The following ERBB2 variants were observed in gnomAD, a reference collection of about 807,000 sequenced individuals.
The protein encoded by ERBB2 is erb-b2 receptor tyrosine kinase 2.
A neutral mutation model predicts 149.0 loss-of-function variants in ERBB2; 61 were observed. The ratio of observed to expected loss-of-function variants is 0.41; its 90% confidence interval spans 0.33 to 0.51. ERBB2 has a LOEUF of 0.51. ERBB2 is among the 20% of genes least tolerant of loss of function. The probability of loss-of-function intolerance (pLI) is 0.25; values close to 1 mark genes in which losing one functional copy is unlikely to be tolerated. For synonymous variants in ERBB2, 633 were observed against 678.8 expected, an observed-to-expected ratio of 0.93 and a Z score of 1.05; for missense variants, 1,205 against 1,655.1, an observed-to-expected ratio of 0.73 and a Z score of 4.72.
At chr17:39,706,861 C>T (rs1335646410) in intron 1 of ERBB2, 129 bp from the exon 2 acceptor site, 9 of 864,674 alleles carry the variant, frequency 1.0e-5, no homozygotes, top group South Asian at 9.2e-5. Context: ...GGGACATGGG[C>T]GGAGGGGTCC....
upstream of ERBB2, among the ~76,000 whole-genome samples, chr17:39,698,549 G>A (rs1035671390): frequency 6.6e-6 from 1 of 152,150 alleles, no homozygotes; most frequent in East Asian, 1.9e-4. Context: ...GTGAGCCACC[G>A]CGACTGGCCA....
chr17:39,711,838 T>C (rs200914443), intron 7 of ERBB2, 90 bp from the exon 8 acceptor site: 2 of 1,503,824 alleles, frequency 1.3e-6, no homozygotes, highest in Non-Finnish European at 1.8e-6. Context: ...TTGGTTGATA[T>C]TATTCTTCTT....
At chr17:39,712,252 A>G (rs764356851) in intron 8 of ERBB2, 70 bp from the exon 9 acceptor site, 4 of 1,601,948 alleles carry the variant, frequency 2.5e-6, no homozygotes, top group Non-Finnish European at 3.4e-6. Context: ...CCTGATGCTC[A>G]TGTGGCTGTT....
chr17:39,720,021 G>A, intron 16 of ERBB2, 187 bp downstream of exon 16: 1 of 605,740 alleles, frequency 1.7e-6, no homozygotes, highest in South Asian at 1.9e-5. Context: ...CTGAGGGGAG[G>A]GGACTGCAAG....
Position 39,727,434 on chromosome 17 carries a change from G to C in ERBB2, c.3299G>C (p.Ser1100Thr). 1 of 1,611,632 alleles carries C rather than the reference G, an allele frequency of 6.2e-7. No homozygotes were observed. Among genetic ancestry groups the C allele is most frequent in the South Asian group, 1.1e-5 (1 of 90,810 alleles). ...LGMGAAKGLQSLPTHDPSPLQ... is the reference protein window; with the variant it reads ...LGMGAAKGLQTLPTHDPSPLQ... ...ATGGGGGCAGCCAAGGGGCTGCAAA[G>C]CCTCCCCACACATGACCCCAGCCCT... Residue 1100 changes from serine (S) to threonine (T), a missense_variant, in exon 26 of 27, where the codon AGC (serine) becomes ACC (threonine). Around this residue, in one of 6 missense-constraint regions of ERBB2, gnomAD observed 312 missense variants for 343.8 expected, o/e 0.91. Transcript: ENST00000269571. The surrounding 1 kb of genome is among the most constrained non-coding windows in gnomAD (Gnocchi z 4.3).
At chr17:39,691,339 C>T (rs906661797), upstream of ERBB2, among the ~76,000 whole-genome samples, 22 of 151,716 alleles carry the variant, frequency 1.5e-4, no homozygotes, top group Non-Finnish European at 2.2e-4. Flanking sequence ...ATCAGGAGAT[C>T]GAGACCATCC....
At chr17:39,704,112 C>T (rs958422852) in intron 1 of ERBB2, among the ~76,000 whole-genome samples, 4 of 152,306 alleles carry the variant, frequency 2.6e-5, no homozygotes, top group Admixed American at 2.0e-4. Flanking sequence ...GACTGGACTT[C>T]ATTCATCCAC....
At chr17:39,712,260 G>T (rs1423458982) in intron 8 of ERBB2, 62 bp from the exon 9 acceptor site, 1 of 1,607,432 alleles carries the variant, frequency 6.2e-7, no homozygotes, top group East Asian at 2.2e-5. Flanking sequence ...TCATGTGGCT[G>T]TTGACCTGTC....
rs1238419874 is a variant in ERBB2 at position 39,723,709 on chromosome 17, C to T, written c.2208+49C>T. 1 of 1,573,856 alleles carries T rather than the reference C, an allele frequency of 6.4e-7. No individual in the cohort carries two copies. On this transcript the variant is annotated intron_variant, in intron 18 of 26. Coordinates refer to ENST00000269571, the MANE Select transcript of ERBB2 (RefSeq NM_004448.4). This position sits in a 1 kb window ranked among gnomAD's most constrained non-coding sequence, Gnocchi z 6.2. ...GCGGCCCCAGAGGATGGGGGCGGTG[C>T]CTGGAGGGGTGTGGTCGGCAGTTCT...
In ERBB2 at chr17:39,717,359, C is replaced by T. The variant is rs2059194177; in HGVS notation, c.1777C>T (p.Pro593Ser). ...TGTGGCCTGTGCCCACTATAAGGAC[C>T]CTCCCTTCTGCGTGGCCCGCTGCCC... Reference protein sequence around the residue: ...QCVACAHYKDPPFCVARCPSG... With the variant: ...QCVACAHYKDSPFCVARCPSG... Residue 593 changes from proline (P) to serine (S), a missense_variant, in exon 15 of 27, where the codon CCT becomes TCT. This residue lies in a region of ERBB2 where 569 missense variants were observed against 803.5 expected (regional missense o/e 0.71). Transcript: ENST00000269571. The T allele has an allele frequency of 6.2e-7, 1 of 1,612,646 alleles. No homozygotes were observed. Among genetic ancestry groups the T allele is most frequent in the Non-Finnish European group, 8.5e-7 (1 of 1,179,986 alleles).
At chr17:39,709,200 TG>T in intron 3 of ERBB2, 117 bp from the exon 4 acceptor site, 1 of 1,185,856 alleles carries the variant, frequency 8.4e-7, no homozygotes, top group Non-Finnish European at 1.2e-6. Flanking sequence ...CTCTCCTCCC[TG>T]GGGAATCTGG....
chr17:39,700,130 C>T lies in ERBB2; in HGVS notation c.-109C>T. On this transcript the variant is annotated 5_prime_UTR_variant, in exon 1 of 27. Transcript: ENST00000269571. ...CAGCCGCGCGCCCCTTCCCACGGGG[C>T]CCTTTACTGCGCCGCGCGCCCGGCC... The T allele has an allele frequency of 7.6e-7, 1 of 1,307,554 alleles. No homozygotes were observed. The highest frequency in any genetic ancestry group is 9.7e-7 in the Non-Finnish European group (1 of 1,034,150). 81.0% of individuals were successfully genotyped at this position (1,307,554 alleles called of 1,614,324 possible).
rs2143293029 is a variant in ERBB2 at position 39,727,754 on chromosome 17, G to A, written c.3478G>A (p.Ala1160Thr). The A allele has an allele frequency of 6.2e-7, 1 of 1,601,180 alleles. No individual in the cohort carries two copies. Among genetic ancestry groups the A allele is most frequent in the Non-Finnish European group, 8.5e-7 (1 of 1,171,622 alleles). Residue 1160 changes from alanine to threonine, a missense_variant, in exon 27 of 27, where the codon GCC becomes ACC. By Grantham distance (58) the Ala-to-Thr change is moderately conservative (BLOSUM62 0). Coordinates refer to ENST00000269571, the MANE Select transcript of ERBB2 (RefSeq NM_004448.4). This position sits in a 1 kb window ranked among gnomAD's most constrained non-coding sequence, Gnocchi z 4.3. The stretch of plus-strand genomic sequence containing the variant: ...GCCCCGAGAGGGCCCTCTGCCTGCT[G>A]CCCGACCTGCTGGTGCCACTCTGGA... ...PSPREGPLPA[A>T]RPAGATLERP...
At chr17:39,713,439 TAAGTTATACTTCAATAAGAAATGA>T (rs2058931051) in intron 9 of ERBB2, among the ~76,000 whole-genome samples, 1 of 151,670 alleles carries the variant, frequency 6.6e-6, no homozygotes, top group Admixed American at 6.6e-5. Context: ...TTATTGTATA[TAAGTTATACTTCAATAAGAAATGA>T]ATTGGGGCCA....
intron 3 of ERBB2, among the ~76,000 whole-genome samples, chr17:39,709,077 G>A (rs4252616): frequency 0.016 from 2,451 of 152,120 alleles, 71 homozygotes; most frequent in African/African-American, 0.056. Flanking sequence ...AGAGAGCTGC[G>A]GTCCACATGA....
chr17:39,721,182 T>C (rs1313040660), intron 16 of ERBB2, among the ~76,000 whole-genome samples: 1 of 151,662 alleles, frequency 6.6e-6, no homozygotes, highest in African/African-American at 2.4e-5. Flanking sequence ...ACTCGTGGGC[T>C]CAAGTGATCC....
At chr17:39,688,175 C>T (rs2057603677) in exon 1 of ERBB2, 1 of 585,294 alleles carries the variant, frequency 1.7e-6, no homozygotes, top group Admixed American at 4.3e-5. Flanking sequence ...CCCCGCCCCT[C>T]GTCCCCCTGC....
At position 39,700,159 on chromosome 17, in the gene ERBB2, AC is replaced by A; in HGVS notation, c.-76del. 1.5e-6 allele frequency: 2 copies of A among 1,326,036 alleles called. No individual in the cohort carries two copies. Among genetic ancestry groups the A allele is most frequent in the South Asian group, 2.1e-5 (1 of 47,102 alleles). The allele number at this position is 1,326,036 out of a possible 1,614,324, so 82.1% of individuals were successfully genotyped here. On this transcript the variant is annotated 5_prime_UTR_variant, in exon 1 of 27. Transcript: ENST00000269571. ...TTACTGCGCCGCGCGCCCGGCCCCC[AC>A]CCCTCGCAGCACCCCGCGCCCCGCG...
rs2143127291 is a variant in ERBB2, at chr17:39,726,539, T to G, written c.2873-23T>G. The G allele has an allele frequency of 6.2e-7, 1 of 1,603,950 alleles. No homozygotes were observed. The highest frequency in any genetic ancestry group is 8.5e-7 in the Non-Finnish European group (1 of 1,170,846). On this transcript the variant is annotated intron_variant, in intron 23 of 26. Coordinates refer to ENST00000269571, the MANE Select transcript of ERBB2 (RefSeq NM_004448.4). This position sits in a 1 kb window ranked among gnomAD's most constrained non-coding sequence, Gnocchi z 5.1. ...AAGCACACAGGGCCTGGGACTAGCA[T>G]GCTGACCTCCCTCCTGCCCCAGGTT...
Sources: gnomAD v4.1 joint callset for allele counts (sites outside exome capture counted in the v4.1 genomes callset) on GRCh38, gnomAD v4.1.1 for gene constraint, gnomAD v4.1.1 regional missense constraint, Gnocchi (gnomAD v3.1) non-coding constraint, MANE v1.5 for transcripts, NCBI Gene and HGNC (gene_info 2026-07-23, HGNC 2026-07-21) for gene names.